The following ARHGAP28 variants were observed in gnomAD, a reference collection of about 807,000 sequenced individuals.
The protein encoded by ARHGAP28 is rho GTPase-activating protein 28.
ARHGAP28 carries 56 observed loss-of-function variants against 90.7 expected under a neutral mutation model. That is an observed-to-expected ratio of 0.62 (90% CI 0.50 to 0.77). The LOEUF (loss-of-function observed/expected upper bound fraction) is 0.77, where lower values mean the gene tolerates loss of function less well. ARHGAP28 is among the 30% of genes least tolerant of loss of function. ARHGAP28 has a pLI of 0.00. For synonymous variants in ARHGAP28, 308 were observed against 323.3 expected (o/e 0.95, Z 0.51); for missense variants, 869 against 900.9 (o/e 0.96, Z 0.45).
chr18:6,783,869 G>A (rs1054715949), intron 1 of ARHGAP28, among the ~76,000 whole-genome samples: 8 of 152,122 alleles, frequency 5.3e-5, no homozygotes, highest in Non-Finnish European at 1.0e-4. Flanking sequence ...CTCTTTTCAT[G>A]ACCCTGGCCT....
At chr18:6,912,009 G>GCA (rs111316765) in intron 17 of ARHGAP28, 51 bp from the exon 18 acceptor site, 120 of 1,207,638 alleles carry the variant, frequency 9.9e-5, no homozygotes, top group South Asian at 1.6e-4. Context: ...GTGTGCGCAC[G>GCA]CACACACACA....
intron 10 of ARHGAP28, among the ~76,000 whole-genome samples, chr18:6,880,321 TC>T (rs1567980836): frequency 6.6e-6 from 1 of 152,298 alleles, no homozygotes; most frequent in South Asian, 2.1e-4. Context: ...TCCTCTCCTT[TC>T]TATCCTACAA....
intron 11 of ARHGAP28, among the ~76,000 whole-genome samples, chr18:6,882,738 T>G (rs1300641617): frequency 6.6e-6 from 1 of 152,232 alleles, no homozygotes; most frequent in Admixed American, 6.5e-5. Context: ...TCTGAGGTCC[T>G]AGGTCTGATG....
At chr18:6,805,326 C>G (rs1022467073) in intron 1 of ARHGAP28, among the ~76,000 whole-genome samples, 15 of 152,032 alleles carry the variant, frequency 9.9e-5, no homozygotes, top group Non-Finnish European at 1.8e-4. Context: ...TCTTTTTGCT[C>G]TATAATAAAA....
At chr18:6,816,547 G>A (rs887169016) in intron 1 of ARHGAP28, among the ~76,000 whole-genome samples, 1 of 152,150 alleles carries the variant, frequency 6.6e-6, no homozygotes. Context: ...TCATTCAACG[G>A]CAGTGACAAA....
intron 1 of ARHGAP28, among the ~76,000 whole-genome samples, chr18:6,759,996 T>C (rs981603635): frequency 1.3e-5 from 2 of 152,184 alleles, no homozygotes; most frequent in Non-Finnish European, 2.9e-5. Context: ...GAGAAACTTG[T>C]GATCAAAACA....
intron 16 of ARHGAP28, chr18:6,896,923 A>C: frequency 5.1e-6 from 1 of 195,702 alleles, no homozygotes; most frequent in South Asian, 1.1e-4. Context: ...TATTTTATTT[A>C]TTTTTTGAGA....
intron 2 of ARHGAP28, among the ~76,000 whole-genome samples, chr18:6,830,491 C>CCCCCCAGCA (rs2056706791): frequency 6.6e-6 from 1 of 152,158 alleles, no homozygotes; most frequent in Non-Finnish European, 1.5e-5. Flanking sequence ...CCCTGACAGG[C>CCCCCCAGCA]CCTGGTGTGT....
At chr18:6,862,759 C>T (rs1042325583) in intron 5 of ARHGAP28, among the ~76,000 whole-genome samples, 3 of 152,168 alleles carry the variant, frequency 2.0e-5, no homozygotes, top group South Asian at 2.1e-4. Context: ...AGAGAATCCA[C>T]ATCTCAAAAC....
intron 2 of ARHGAP28, 37 bp downstream of exon 2, chr18:6,825,001 G>A: frequency 6.7e-7 from 1 of 1,488,560 alleles, no homozygotes; most frequent in Non-Finnish European, 8.9e-7. Flanking sequence ...GTGCTGACTG[G>A]CTTTCTTTCT....
chr18:6,898,287 A>G, intron 16 of ARHGAP28: 1 of 484,216 alleles, frequency 2.1e-6, no homozygotes, highest in Non-Finnish European at 3.7e-6. Context: ...GATGGCCTCA[A>G]ACGTTTTTTT....
chr18:6,865,659 C>T (rs7242515), intron 5 of ARHGAP28, among the ~76,000 whole-genome samples: 76,173 of 151,994 alleles, frequency 0.5, 20,399 homozygotes, highest in Non-Finnish European at 0.61. Flanking sequence ...GAAAATGTTT[C>T]GTATGGTCTT....
intron 17 of ARHGAP28, among the ~76,000 whole-genome samples, chr18:6,909,639 A>C (rs967609742): frequency 6.6e-6 from 1 of 152,100 alleles, no homozygotes; most frequent in Non-Finnish European, 1.5e-5. Flanking sequence ...GTCTCTCTGG[A>C]GACTCTGCAA....
intron 1 of ARHGAP28, among the ~76,000 whole-genome samples, chr18:6,798,919 C>A (rs542855677): frequency 2.2e-4 from 33 of 152,288 alleles, no homozygotes; most frequent in African/African-American, 7.9e-4. Context: ...TCATGCTAGA[C>A]CCTGTGACAG....
intron 17 of ARHGAP28, among the ~76,000 whole-genome samples, chr18:6,911,268 C>T (rs2057397486): frequency 1.3e-5 from 2 of 152,146 alleles, no homozygotes; most frequent in South Asian, 4.1e-4. Flanking sequence ...ATGGGCTTTA[C>T]GTCCATAGTA....
chr18:6,799,136 C>T (rs2056463561), intron 1 of ARHGAP28, among the ~76,000 whole-genome samples: 1 of 152,190 alleles, frequency 6.6e-6, no homozygotes, highest in African/African-American at 2.4e-5. Context: ...AACAATGCCT[C>T]ATTTTTCCCT....
At chr18:6,791,945 C>T (rs1029123290) in intron 1 of ARHGAP28, among the ~76,000 whole-genome samples, 5 of 151,818 alleles carry the variant, frequency 3.3e-5, no homozygotes, top group Admixed American at 1.3e-4. Context: ...ATTACAGGCA[C>T]CCACCACCAT....
In ARHGAP28 at chr18:6,789,671, A is replaced by G. The variant is rs1013427539; in HGVS notation, c.123-35091A>G. 3.9e-5 allele frequency: 6 copies of G among 152,272 alleles called. No homozygotes were observed. In the East Asian group the frequency reaches 9.7e-4, roughly 25 times the overall value. The allele number at this position is 152,272 out of a possible 1,614,324, so 9.4% of individuals were successfully genotyped here. ...TCGTTTTTCCCTGAATGTTTTACCTATGTAGGAAAATTTTACATCCCAATT... is the reference window on the plus strand; with the variant it reads ...TCGTTTTTCCCTGAATGTTTTACCTGTGTAGGAAAATTTTACATCCCAATT... On this transcript the variant is annotated intron_variant, in intron 1 of 17. Coordinates refer to ENST00000383472, the MANE Select transcript of ARHGAP28 (RefSeq NM_001366230.1).
chr18:6,771,771 A>T (rs2056244944), intron 1 of ARHGAP28, among the ~76,000 whole-genome samples: 1 of 152,196 alleles, frequency 6.6e-6, no homozygotes, highest in Admixed American at 6.5e-5. Flanking sequence ...AAACATTAGT[A>T]GTTGGATCTT....
Sources: allele counts gnomAD v4.1 joint callset (sites outside exome capture counted in the v4.1 genomes callset), GRCh38; gene constraint gnomAD v4.1.1; transcripts MANE v1.5; gene names NCBI Gene and HGNC (gene_info 2026-07-23, HGNC 2026-07-21).